Variants in FBXO34 observed in about 807,000 individuals in gnomAD.
FBXO34 encodes F-box protein 34, also known as F-box only protein 34.
Under a neutral mutation model 24.5 loss-of-function variants are expected in FBXO34, and 12 were observed. The ratio of observed to expected loss-of-function variants is 0.49; its 90% CI spans 0.31 to 0.79. The LOEUF (loss-of-function observed/expected upper bound fraction) is 0.79. FBXO34 is among the 30% of genes least tolerant of loss of function. The probability of loss-of-function intolerance (pLI) is 0.04; values close to 1 mark genes in which losing one functional copy is unlikely to be tolerated. For synonymous variants in FBXO34, 320 were observed against 311.9 expected (o/e 1.03, Z -0.27); for missense variants, 823 against 857.7 (o/e 0.96, Z 0.51).
At chr14:55,283,989 T>C (rs887792886) in intron 1 of FBXO34, among the ~76,000 whole-genome samples, 1 of 150,890 alleles carries the variant, frequency 6.6e-6, no homozygotes, top group South Asian at 2.1e-4. Flanking sequence ...TGTGTGTGTG[T>C]ATGTGTATGT....
chr14:55,312,355 G>A (rs905265335), intron 1 of FBXO34, among the ~76,000 whole-genome samples: 9 of 152,124 alleles, frequency 5.9e-5, no homozygotes, highest in African/African-American at 9.7e-5. Context: ...AGGCTTTCAC[G>A]GGCTGGTCTT....
chr14:55,303,167 G>A (rs1291215724), intron 1 of FBXO34, among the ~76,000 whole-genome samples: 1 of 150,798 alleles, frequency 6.6e-6, no homozygotes, highest in Non-Finnish European at 1.5e-5. Context: ...TAAATTTTGA[G>A]TGCCTCCCTG....
At chr14:55,366,408 T>A (rs1884679853), downstream of FBXO34, 1 of 152,644 alleles carries the variant, frequency 6.6e-6, no homozygotes, top group Non-Finnish European at 1.5e-5. Flanking sequence ...AAAAGATTTA[T>A]TGCAGTAATA....
the FBXO34 span, among the ~76,000 whole-genome samples, chr14:55,422,880 A>AAT: frequency 6.6e-6 from 1 of 152,020 alleles, no homozygotes; most frequent in African/African-American, 2.4e-5. Flanking sequence ...AACAAACAAC[A>AAT]ATATATATAG....
At chr14:55,438,596 G>A in the FBXO34 span, among the ~76,000 whole-genome samples, 1 of 152,128 alleles carries the variant, frequency 6.6e-6, no homozygotes, top group Non-Finnish European at 1.5e-5. Context: ...ATTTTATCAG[G>A]GAACAAAGCT....
intron 1 of FBXO34, among the ~76,000 whole-genome samples, chr14:55,315,367 T>C (rs1342835540): frequency 6.6e-6 from 1 of 152,246 alleles, no homozygotes; most frequent in Non-Finnish European, 1.5e-5. Flanking sequence ...TCTGGACTGG[T>C]TGCCTACTGG....
At chr14:55,279,005 A>G (rs941909942) in intron 1 of FBXO34, among the ~76,000 whole-genome samples, 1 of 151,372 alleles carries the variant, frequency 6.6e-6, no homozygotes, top group African/African-American at 2.4e-5. Flanking sequence ...TATTAAAGAG[A>G]TTTAGTGAAG....
At chr14:55,416,474 A>G in the FBXO34 span, among the ~76,000 whole-genome samples, 1 of 152,070 alleles carries the variant, frequency 6.6e-6, no homozygotes, top group African/African-American at 2.4e-5. Flanking sequence ...AAGAGAAGAA[A>G]AGTTATTTAT....
At position 55,327,075 on chromosome 14, in the gene FBXO34, A is replaced by G. The variant is rs180940043; in HGVS notation, c.-10-23306A>G. The stretch of plus-strand genomic sequence containing the variant: ...ATAGCAAGGAAAAAGGGGAATAGGG[A>G]GTGTGGGGAATAGTACTATATGAGG... On this transcript the variant is annotated intron_variant, in intron 1 of 1. Transcript: ENST00000313833. 7.2e-5 allele frequency among the ~76,000 whole-genome samples: 11 copies of G among 152,188 alleles called. No individual in the cohort carries two copies. The East Asian group carries it at 1.7e-3, about 24-fold the overall frequency.
intron 1 of FBXO34, among the ~76,000 whole-genome samples, chr14:55,294,435 A>C (rs909681923): frequency 6.6e-6 from 1 of 152,034 alleles, no homozygotes; most frequent in Non-Finnish European, 1.5e-5. Context: ...GTACATACGC[A>C]CACCACAGGG....
At chr14:55,317,858 T>C (rs992503320) in intron 1 of FBXO34, among the ~76,000 whole-genome samples, 2 of 152,132 alleles carry the variant, frequency 1.3e-5, no homozygotes, top group African/African-American at 4.8e-5. Flanking sequence ...CAGATAATCC[T>C]CTGTTTTAAC....
the FBXO34 span, among the ~76,000 whole-genome samples, chr14:55,398,060 G>A: frequency 3.4e-5 from 5 of 144,950 alleles, no homozygotes; most frequent in East Asian, 6.4e-4. Flanking sequence ...CCATTCTCCC[G>A]CCTCAGCCTC....
chr14:55,308,672 A>T (rs1303591267), intron 1 of FBXO34, among the ~76,000 whole-genome samples: 4 of 152,216 alleles, frequency 2.6e-5, no homozygotes, highest in Non-Finnish European at 5.9e-5. Flanking sequence ...ATACCCAGTG[A>T]TTCCTGATTT....
At chr14:55,363,014 T>TTTC (rs372867946), downstream of FBXO34, among the ~76,000 whole-genome samples, 4 of 114,222 alleles carry the variant, frequency 3.5e-5, no homozygotes, top group African/African-American at 1.3e-4. Context: ...ACCCCTTTTT[T>TTTC]CTCTCTCTCT....
chr14:55,344,294 T>C lies in FBXO34; in HGVS notation c.-10-6087T>C, dbSNP rs569724732. Reference sequence around the variant, plus strand: ...GGCACAATTCTTTATTTGACCTTGCTGCTGACTGTGCCTTCCTTTTACAGA... The same window carrying C: ...GGCACAATTCTTTATTTGACCTTGCCGCTGACTGTGCCTTCCTTTTACAGA... On this transcript the variant is annotated intron_variant, in intron 1 of 1. Transcript: ENST00000313833. Among the ~76,000 whole-genome samples, 8 of 152,292 alleles carry C rather than the reference T, an allele frequency of 5.3e-5. No homozygotes were observed. In the South Asian group the frequency reaches 1.7e-3, roughly 32 times the overall value.
intron 1 of FBXO34, among the ~76,000 whole-genome samples, chr14:55,291,299 A>G (rs1881937691): frequency 6.6e-6 from 1 of 152,214 alleles, no homozygotes; most frequent in East Asian, 1.9e-4. Flanking sequence ...CTGATAGGAC[A>G]TGTAGGTAGA....
the FBXO34 span, chr14:55,377,917 A>AG: frequency 6.3e-7 from 1 of 1,596,904 alleles, no homozygotes; most frequent in Non-Finnish European, 8.5e-7. Flanking sequence ...AAAAAAAATT[A>AG]AAGAATTGGT....
Position 55,351,605 on chromosome 14 carries a change from G to A in FBXO34, c.1215G>A (p.Val405=). 2 of 1,614,168 alleles carry A rather than the reference G, an allele frequency of 1.2e-6. No individual in the cohort carries two copies. Among genetic ancestry groups the A allele is most frequent in the South Asian group, 1.1e-5 (1 of 91,086 alleles). ...TAVKNSNRYD[V]EMTDELVGLP... ...TGAAAAACAGCAACAGATATGATGT[G>A]GAAATGACAGATGAACTCGTTGGGT... is the stretch of plus-strand genomic sequence containing the variant. Residue 405 remains valine (V), a synonymous_variant, in exon 2 of 2, where the codon GTG becomes GTA. Coordinates refer to ENST00000313833, the MANE Select transcript of FBXO34 (RefSeq NM_017943.4).
chr14:55,349,053 C>G (rs913683519), intron 1 of FBXO34, among the ~76,000 whole-genome samples: 6 of 152,148 alleles, frequency 3.9e-5, no homozygotes, highest in African/African-American at 1.4e-4. Context: ...GACTGCAGAT[C>G]TTTAGTTTCT....
Sources: allele counts gnomAD v4.1 joint callset (sites outside exome capture counted in the v4.1 genomes callset), GRCh38; gene constraint gnomAD v4.1.1; transcripts MANE v1.5; gene names NCBI Gene and HGNC (gene_info 2026-07-23, HGNC 2026-07-21).